The following UBR2 variants were observed in gnomAD, a reference collection of about 807,000 sequenced individuals.
UBR2 encodes ubiquitin protein ligase E3 component n-recognin 2, also known as E3 ubiquitin-protein ligase UBR2.
A neutral mutation model predicts 247.9 loss-of-function variants in UBR2; 92 were observed. The ratio of observed to expected loss-of-function variants is 0.37; its 90% CI spans 0.31 to 0.44. The LOEUF is 0.44. Among genes scored for constraint, UBR2 ranks in the 20% least tolerant of loss-of-function variants. The probability of loss-of-function intolerance (pLI) is 1.00; values close to 1 mark genes in which losing one functional copy is unlikely to be tolerated. For missense variants in UBR2, 1,613 were observed against 2,112.6 expected (o/e 0.76, Z 4.64); for synonymous variants, 672 against 693.5 (o/e 0.97, Z 0.49).
intron 16 of UBR2, 43 bp from the exon 17 acceptor site, chr6:42,641,539 G>C: frequency 6.8e-7 from 1 of 1,460,508 alleles, no homozygotes; most frequent in African/African-American, 1.5e-5. Context: ...TTTTATGTGT[G>C]TGTTTTTTTT....
At position 42,565,998 on chromosome 6, in the gene UBR2, AC is replaced by A. The variant is rs368156397; in HGVS notation, c.78+1602del. Among the ~76,000 whole-genome samples, 212 of 152,298 alleles carry A rather than the reference AC, an allele frequency of 1.4e-3. 1 individual carries two copies. Among genetic ancestry groups the A allele is most frequent in the Middle Eastern group, 3.4e-3 (1 of 294 alleles). On this transcript the variant is annotated intron_variant, in intron 1 of 46. Coordinates refer to ENST00000372901, the MANE Select transcript of UBR2 (RefSeq NM_001363705.2). The stretch of plus-strand genomic sequence containing the variant: ...GAAAAAAGAAAATGAAAGTAGTGTT[AC>A]AAGTAAACTGTTAAATAATAATGAC...
chr6:42,584,741 T>TA (rs1363203418), intron 2 of UBR2, among the ~76,000 whole-genome samples: 3 of 152,194 alleles, frequency 2.0e-5, no homozygotes, highest in Middle Eastern at 6.3e-3. Flanking sequence ...TGCCTTCTGT[T>TA]ATATTTGTTC....
At chr6:42,638,317 A>G (rs1796231872) in intron 15 of UBR2, among the ~76,000 whole-genome samples, 1 of 152,030 alleles carries the variant, frequency 6.6e-6, no homozygotes, top group Non-Finnish European at 1.5e-5. Flanking sequence ...TATCCTTTTA[A>G]TGTACATGGG....
Position 42,691,152 on chromosome 6 carries a change from C to T in UBR2, c.5247C>T (p.Gly1749=), listed in dbSNP as rs761610905. ...AGGAAGCCAATCAGACACTGGTTGG[C>T]ATTGACTGGCAACATTTATAATTAT... The part of the protein sequence containing the change: ...HAQEANQTLV[G]IDWQHL Residue 1749 remains glycine (G), a synonymous_variant, in exon 47 of 47, where the codon GGC becomes GGT. Coordinates refer to ENST00000372901, the MANE Select transcript of UBR2 (RefSeq NM_001363705.2). 1 of 1,613,894 alleles carries T rather than the reference C, an allele frequency of 6.2e-7. No homozygotes were observed. Among genetic ancestry groups the T allele is most frequent in the Non-Finnish European group, 8.5e-7 (1 of 1,179,974 alleles).
At chr6:42,636,512 A>G (rs1796103403) in intron 14 of UBR2, among the ~76,000 whole-genome samples, 1 of 152,088 alleles carries the variant, frequency 6.6e-6, no homozygotes, top group Non-Finnish European at 1.5e-5. Context: ...GGAAGCCTTT[A>G]GAGATTACCA....
rs776971351 is a variant in UBR2, at chr6:42,689,650, G to A, written c.5106G>A (p.Gly1702=). 3.1e-6 allele frequency: 5 copies of A among 1,614,030 alleles called. No homozygotes were observed. The highest frequency in any genetic ancestry group is 4.2e-6 in the Non-Finnish European group (5 of 1,179,972). The change falls in exon 46 of 47, where the codon GGG becomes GGA. Residue 1702 remains glycine, a synonymous_variant. Coordinates refer to ENST00000372901, the MANE Select transcript of UBR2 (RefSeq NM_001363705.2). This position sits in a 1 kb window ranked among gnomAD's most constrained non-coding sequence, Gnocchi z 4.0. ...CTCCTCCTTACCTTGATGACTATGG[G>A]GAGACCGACCAGGGACTCAGGTAAG... ...FYSPPYLDDY[G]ETDQGLRRGN... is the part of the protein sequence containing the mutation.
intron 7 of UBR2, among the ~76,000 whole-genome samples, chr6:42,608,405 C>G (rs1017603469): frequency 6.6e-6 from 1 of 152,042 alleles, no homozygotes; most frequent in Non-Finnish European, 1.5e-5. Flanking sequence ...GCAAGAGGAT[C>G]GCTTGAGGCC....
At chr6:42,685,355 T>C (rs1799316516) in intron 44 of UBR2, among the ~76,000 whole-genome samples, 1 of 152,104 alleles carries the variant, frequency 6.6e-6, no homozygotes, top group South Asian at 2.1e-4. Context: ...ACATAACTTA[T>C]AAAAGCATCA....
chr6:42,615,431 G>T (rs1794482386), intron 9 of UBR2, among the ~76,000 whole-genome samples: 1 of 152,072 alleles, frequency 6.6e-6, no homozygotes, highest in Non-Finnish European at 1.5e-5. Context: ...AATATTTTGT[G>T]CTAAGGAAAA....
In UBR2 at chr6:42,617,451, G is replaced by A. The variant is rs1306982792; in HGVS notation, c.1225G>A (p.Asp409Asn). 12 of 1,565,906 alleles carry A rather than the reference G, an allele frequency of 7.7e-6. No homozygotes were observed. The highest frequency in any genetic ancestry group is 9.5e-6 in the Non-Finnish European group (11 of 1,154,738). ...LQSDYVTDDHDREFSVADLSV... is the reference protein window; with the variant it reads ...LQSDYVTDDHNREFSVADLSV... Reference sequence around the variant, plus strand: ...GAGTGATTATGTGACAGATGACCACGACAGAGAGTTTTCAGTCGCAGACCT... The same window carrying A: ...GAGTGATTATGTGACAGATGACCACAACAGAGAGTTTTCAGTCGCAGACCT... The change falls in exon 11 of 47, where the codon GAC (aspartate) becomes AAC (asparagine). Residue 409 changes from aspartate (D) to asparagine (N), a missense_variant. This residue lies in a region of UBR2 where 1,524 missense variants were observed against 1,967.3 expected (regional missense o/e 0.77). Transcript: ENST00000372901.
Position 42,689,754 on chromosome 6 carries a change from G to A in UBR2, c.5126+84G>A, listed in dbSNP as rs2151999183. The A allele has an allele frequency of 1.6e-6, 2 of 1,262,276 alleles. No homozygotes were observed. Among genetic ancestry groups the A allele is most frequent in the East Asian group, 4.7e-5 (2 of 42,682 alleles). 78.2% of individuals were successfully genotyped at this position (1,262,276 alleles called of 1,614,324 possible). ...GACGTCCTGAGGGTGGAGGGCTGAG[G>A]TGGTTCTGGAAGAGGTGGCTGTGTT... On this transcript the variant is annotated intron_variant, in intron 46 of 46. Transcript: ENST00000372901. This position sits in a 1 kb window ranked among gnomAD's most constrained non-coding sequence, Gnocchi z 4.0.
chr6:42,575,041 C>T (rs529915125), intron 2 of UBR2, among the ~76,000 whole-genome samples: 2 of 151,812 alleles, frequency 1.3e-5, no homozygotes, highest in South Asian at 4.2e-4. Context: ...AGATATATGG[C>T]AATTTTAAAC....
intron 11 of UBR2, among the ~76,000 whole-genome samples, chr6:42,631,259 A>C (rs984752216): frequency 7.9e-5 from 12 of 152,194 alleles, no homozygotes; most frequent in African/African-American, 2.9e-4. Flanking sequence ...AGGATCCATG[A>C]TCTTTTGTAT....
At chr6:42,650,587 G>A (rs1040627186) in intron 23 of UBR2, among the ~76,000 whole-genome samples, 3 of 152,082 alleles carry the variant, frequency 2.0e-5, no homozygotes, top group Non-Finnish European at 2.9e-5. Context: ...ATGCACCACT[G>A]TATCTGGCTT....
intron 2 of UBR2, among the ~76,000 whole-genome samples, chr6:42,579,043 AGT>A (rs1164377714): frequency 6.6e-6 from 1 of 152,066 alleles, no homozygotes; most frequent in Non-Finnish European, 1.5e-5. Flanking sequence ...TTTAAAACTG[AGT>A]GTTAGGCTGT....
chr6:42,631,383 T>C (rs942333594), intron 11 of UBR2, among the ~76,000 whole-genome samples: 1 of 152,292 alleles, frequency 6.6e-6, no homozygotes, highest in South Asian at 2.1e-4. Flanking sequence ...TATTGTGTTA[T>C]GGAGGGCATG....
At position 42,620,505 on chromosome 6, in the gene UBR2, TG is replaced by T. The variant is rs1221492070; in HGVS notation, c.1281+2999del. Among the ~76,000 whole-genome samples the T allele has an allele frequency of 4.1e-4, 37 of 89,768 alleles. 3 individuals are homozygous for T. Among genetic ancestry groups the T allele is most frequent in the Non-Finnish European group, 5.2e-4 (20 of 38,192 alleles). The allele number at this position is 89,768 out of a possible 152,430, so 58.9% of individuals were successfully genotyped here. A position where few individuals can be genotyped will look rare whatever the true frequency, so the allele number is the denominator to read the frequency against. ...TGTTTTTTTTTTTTGTTTTTGTTTTTGTTTTTTTTTAAGACAGAGTCTCACT... is the reference window on the plus strand; with the variant it reads ...TGTTTTTTTTTTTTGTTTTTGTTTTTTTTTTTTTTAAGACAGAGTCTCACT... On this transcript the variant is annotated intron_variant, in intron 11 of 46. Transcript: ENST00000372901.
chr6:42,658,080 C>G lies in UBR2; in HGVS notation c.2929C>G (p.Gln977Glu), dbSNP rs1359695308. ...PSILAMLETL[Q>E]NAPYLEVHKD... ...CATACTAGCTATGCTGGAAACACTA[C>G]AAAATGCTCCCTACCTAGAAGTCCA... Residue 977 changes from glutamine to glutamate, a missense_variant, in exon 27 of 47, where the codon CAA (glutamine) becomes GAA (glutamate). By Grantham distance (29) the Gln-to-Glu change is conservative. Transcript: ENST00000372901. 2.4e-5 allele frequency: 38 copies of G among 1,613,998 alleles called. No individual in the cohort carries two copies. The highest frequency in any genetic ancestry group is 3.2e-5 in the Non-Finnish European group (38 of 1,179,996).
chr6:42,580,821 G>A (rs1201877680), intron 2 of UBR2, among the ~76,000 whole-genome samples: 7 of 152,112 alleles, frequency 4.6e-5, no homozygotes, highest in African/African-American at 9.7e-5. Context: ...GATTACAGGC[G>A]TGAGCCACCG....
Sources: allele counts gnomAD v4.1 joint callset (sites outside exome capture counted in the v4.1 genomes callset), GRCh38; gene constraint gnomAD v4.1.1; regional missense constraint gnomAD v4.1.1; non-coding constraint Gnocchi (gnomAD v3.1); transcripts MANE v1.5; gene names NCBI Gene and HGNC (gene_info 2026-07-23, HGNC 2026-07-21).